Variants in USP47 observed in about 807,000 individuals in gnomAD.
USP47 encodes the protein ubiquitin specific peptidase 47.
A neutral mutation model predicts 165.1 loss-of-function variants in USP47; 35 were observed. The observed-to-expected ratio is 0.21, with a 90% CI of 0.16 to 0.28. The LOEUF is 0.28. Among genes scored for constraint, USP47 ranks in the 10% least tolerant of loss-of-function variants. The probability of loss-of-function intolerance (pLI) is 1.00; values close to 1 mark genes in which losing one functional copy is unlikely to be tolerated. For missense variants in USP47, 1,277 were observed against 1,607.4 expected (o/e 0.79, Z 3.52); for synonymous variants, 531 against 544.5 (o/e 0.98, Z 0.35).
intron 1 of USP47, 120 bp from the exon 2 acceptor site, chr11:11,880,057 G>A: frequency 3.0e-6 from 2 of 665,996 alleles, no homozygotes; most frequent in Non-Finnish European, 4.6e-6. Context: ...AAATAGCACA[G>A]AGAAAATACT....
intron 24 of USP47, 101 bp from the exon 25 acceptor site, chr11:11,952,640 A>C: frequency 7.7e-7 from 1 of 1,292,248 alleles, no homozygotes; most frequent in Admixed American, 2.9e-5. Context: ...TAAGAGTAAC[A>C]CTTGAAGTAA....
At chr11:11,847,592 A>T (rs972117940) in intron 1 of USP47, among the ~76,000 whole-genome samples, 1 of 152,122 alleles carries the variant, frequency 6.6e-6, no homozygotes, top group Admixed American at 6.5e-5. Flanking sequence ...CTTAAGTTAG[A>T]ACAGTTTTTG....
At chr11:11,952,695 A>G (rs779379874) in intron 24 of USP47, 46 bp from the exon 25 acceptor site, 4 of 1,480,994 alleles carry the variant, frequency 2.7e-6, no homozygotes, top group South Asian at 1.4e-5. Context: ...CAAATTATGA[A>G]CCTTCAGAGG....
chr11:11,860,499 A>G (rs549957599), intron 1 of USP47, among the ~76,000 whole-genome samples: 46 of 152,346 alleles, frequency 3.0e-4, no homozygotes, highest in Non-Finnish European at 5.1e-4. Context: ...TTTCAGATGT[A>G]TAATTTCATG....
chr11:11,893,479 C>G (rs906493320), intron 4 of USP47, among the ~76,000 whole-genome samples: 14 of 152,132 alleles, frequency 9.2e-5, no homozygotes, highest in African/African-American at 1.2e-4. Flanking sequence ...CTTTGTCACC[C>G]AGGCTGGAGT....
At position 11,942,751 on chromosome 11, in the gene USP47, T is replaced by G; in HGVS notation, c.2730T>G (p.Ile910Met). The change falls in exon 20 of 28, where the codon ATT becomes ATG. Residue 910 changes from isoleucine (I) to methionine (M), a missense_variant. Ile to Met is a conservative substitution (Grantham distance 10). Around this residue, in one of 4 missense-constraint regions of USP47, gnomAD observed 909 missense variants for 1,068.1 expected, o/e 0.85. Coordinates refer to ENST00000527733, the MANE Select transcript of USP47 (RefSeq NM_001282659.2). The stretch of plus-strand genomic sequence containing the variant: ...ATAATAGAGAACTTGAACAGCATAT[T>G]CAGACTTCTGATCCAGAAAATTTTC... ...SVDNRELEQH[I>M]QTSDPENFQS... is the part of the protein sequence containing the mutation. 3 of 1,613,556 alleles carry G rather than the reference T, an allele frequency of 1.9e-6. No individual in the cohort carries two copies. The highest frequency in any genetic ancestry group is 2.5e-6 in the Non-Finnish European group (3 of 1,179,728).
intron 13 of USP47, 120 bp downstream of exon 13, chr11:11,930,240 C>A: frequency 2.5e-6 from 2 of 797,658 alleles, no homozygotes; most frequent in Non-Finnish European, 4.0e-6. Flanking sequence ...GAGCCAAATC[C>A]AACCTGCCTC....
intron 1 of USP47, among the ~76,000 whole-genome samples, chr11:11,860,623 G>A (rs114824202): frequency 0.014 from 2,201 of 152,248 alleles, 61 homozygotes; most frequent in African/African-American, 0.051. Context: ...ATAATAAGTA[G>A]AATGTTCATA....
At position 11,902,747 on chromosome 11, in the gene USP47, T is replaced by G; in HGVS notation, c.626T>G (p.Val209Gly). Residue 209 changes from valine to glycine, a missense_variant, in exon 6 of 28, where the codon GTG becomes GGG. By Grantham distance (109) the Val-to-Gly change is moderately radical. Transcript: ENST00000527733. ...TTTGAAGAATCTGAAGAAGATCCAG[T>G]GACAAGTATTCCATACCAACTTCAA... Reference protein sequence around the residue: ...WEFEESEEDPVTSIPYQLQRL... With the variant: ...WEFEESEEDPGTSIPYQLQRL... 1 of 1,581,908 alleles carries G rather than the reference T, an allele frequency of 6.3e-7. No individual in the cohort carries two copies. Among genetic ancestry groups the G allele is most frequent in the Non-Finnish European group, 8.6e-7 (1 of 1,163,906 alleles).
chr11:11,875,051 G>A (rs919411377), intron 1 of USP47, among the ~76,000 whole-genome samples: 23 of 150,828 alleles, frequency 1.5e-4, no homozygotes, highest in Non-Finnish European at 2.2e-4. Context: ...GTGTGTGTGT[G>A]TGTGTGTGTG....
chr11:11,884,644 G>A (rs370963945), intron 3 of USP47, 64 bp downstream of exon 3: 8 of 1,059,810 alleles, frequency 7.5e-6, no homozygotes, highest in Non-Finnish European at 8.3e-6. Flanking sequence ...ACTTGAGGAT[G>A]CAGTTTCCCA....
At position 11,942,413 on chromosome 11, in the gene USP47, C is replaced by G. The variant is rs200742087; in HGVS notation, c.2392C>G (p.His798Asp). The G allele has an allele frequency of 6.2e-7, 1 of 1,613,410 alleles. No homozygotes were observed. The highest frequency in any genetic ancestry group is 2.2e-5 in the East Asian group (1 of 44,872). The change falls in exon 20 of 28, where the codon CAT becomes GAT. Residue 798 changes from histidine to aspartate, a missense_variant. Physicochemically the swap from His to Asp is moderately conservative, Grantham distance 81. Around this residue, in one of 4 missense-constraint regions of USP47, gnomAD observed 909 missense variants for 1,068.1 expected, o/e 0.85. Transcript: ENST00000527733. ...DSHLWKLLDR[H>D]ANTIRLFVLL... Reference sequence around the variant, plus strand: ...TCATTTATGGAAACTCCTGGATCGGCATGCAAATACAATCAGATTATTTGT... The same window carrying G: ...TCATTTATGGAAACTCCTGGATCGGGATGCAAATACAATCAGATTATTTGT...
At chr11:11,917,556 A>G (rs59403508) in intron 8 of USP47, among the ~76,000 whole-genome samples, 5,250 of 150,980 alleles carry the variant, frequency 0.035, 296 homozygotes, top group African/African-American at 0.12. Flanking sequence ...GGAGAGCAGA[A>G]TAAGATCACA....
At position 11,905,411 on chromosome 11, in the gene USP47, A is replaced by G. The variant is rs766068779; in HGVS notation, c.832A>G (p.Asn278Asp). The G allele has an allele frequency of 2.5e-6, 4 of 1,582,028 alleles. No individual in the cohort carries two copies. Among genetic ancestry groups the G allele is most frequent in the Non-Finnish European group, 3.4e-6 (4 of 1,160,542 alleles). The change falls in exon 8 of 28, where the codon AAT (asparagine) becomes GAT (aspartate). Residue 278 changes from asparagine to aspartate, a missense_variant. Physicochemically the swap from Asn to Asp is conservative, Grantham distance 23. Coordinates refer to ENST00000527733, the MANE Select transcript of USP47 (RefSeq NM_001282659.2). ...WKQTEQADLI[N>D]ELYQGKLKDY... The stretch of plus-strand genomic sequence containing the variant: ...ATTTTATTTTTAGGCTGATCTTATA[A>G]ATGAGCTATATCAAGGCAAGCTGAA...
intron 1 of USP47, among the ~76,000 whole-genome samples, chr11:11,847,018 C>A (rs1011734270): frequency 6.6e-6 from 1 of 152,050 alleles, no homozygotes; most frequent in African/African-American, 2.4e-5. Flanking sequence ...ATTGGAAATG[C>A]TCATTTAATG....
At chr11:11,908,785 T>A (rs1402347053) in intron 8 of USP47, among the ~76,000 whole-genome samples, 3 of 152,212 alleles carry the variant, frequency 2.0e-5, no homozygotes, top group Admixed American at 2.0e-4. Flanking sequence ...TTCATTTTAC[T>A]CATCCAAGTA....
intron 4 of USP47, among the ~76,000 whole-genome samples, chr11:11,894,222 C>T (rs982868972): frequency 3.3e-5 from 5 of 152,032 alleles, no homozygotes; most frequent in East Asian, 1.9e-4. Flanking sequence ...TTTGGGAGGC[C>T]GAGGTGGGCA....
At chr11:11,932,445 A>G (rs987063523) in intron 14 of USP47, among the ~76,000 whole-genome samples, 1 of 152,154 alleles carries the variant, frequency 6.6e-6, no homozygotes, top group Admixed American at 6.6e-5. Context: ...CAGTTTTATG[A>G]CTCTGCATTC....
intron 1 of USP47, among the ~76,000 whole-genome samples, chr11:11,876,297 A>G (rs1850414122): frequency 6.6e-6 from 1 of 152,118 alleles, no homozygotes; most frequent in African/African-American, 2.4e-5. Context: ...TCCCTAAATC[A>G]TGATGTATCC....
Sources: allele counts gnomAD v4.1 joint callset (sites outside exome capture counted in the v4.1 genomes callset), GRCh38; gene constraint gnomAD v4.1.1; regional missense constraint gnomAD v4.1.1; transcripts MANE v1.5; gene names NCBI Gene and HGNC (gene_info 2026-07-23, HGNC 2026-07-21).